The following C8orf34 variants were observed in gnomAD, a reference collection of about 807,000 sequenced individuals.
C8orf34 encodes chromosome 8 open reading frame 34.
In C8orf34, 65 loss-of-function variants were observed where a neutral mutation model predicts 68.3. That is an observed-to-expected ratio of 0.95 (90% CI 0.78 to 1.17). The LOEUF (loss-of-function observed/expected upper bound fraction) is 1.17. C8orf34 is among the 50% of genes most tolerant of loss of function. C8orf34 has a pLI of 0.00. For synonymous variants in C8orf34, 244 were observed against 241.2 expected (o/e 1.01, Z -0.11); for missense variants, 664 against 655.4 (o/e 1.01, Z -0.14).
intron 5 of C8orf34, among the ~76,000 whole-genome samples, chr8:68,519,898 A>G (rs1301912807): frequency 6.6e-6 from 1 of 152,206 alleles, no homozygotes; most frequent in African/African-American, 2.4e-5. Context: ...GAAGTTGTAA[A>G]TGTTTATAGA....
chr8:68,432,661 A>G (rs1341338785), intron 1 of C8orf34, among the ~76,000 whole-genome samples: 1 of 152,106 alleles, frequency 6.6e-6, no homozygotes, highest in South Asian at 2.1e-4. Flanking sequence ...TGGGAATAAG[A>G]TAAGTAGATT....
intron 5 of C8orf34, among the ~76,000 whole-genome samples, chr8:68,518,938 G>A (rs187595336): frequency 4.0e-5 from 6 of 151,328 alleles, no homozygotes; most frequent in Non-Finnish European, 5.9e-5. Flanking sequence ...AGATACAGGG[G>A]AATATGTTAC....
At chr8:68,674,243 A>G (rs916890414) in intron 8 of C8orf34, among the ~76,000 whole-genome samples, 5 of 152,176 alleles carry the variant, frequency 3.3e-5, no homozygotes, top group African/African-American at 1.2e-4. Context: ...CCAGACACTG[A>G]TGAATGTCCA....
At chr8:68,559,326 T>G (rs552457819) in intron 7 of C8orf34, among the ~76,000 whole-genome samples, 1 of 152,252 alleles carries the variant, frequency 6.6e-6, no homozygotes, top group East Asian at 1.9e-4. Flanking sequence ...GAAAAATAAT[T>G]TTCAGCTTTG....
intron 7 of C8orf34, among the ~76,000 whole-genome samples, chr8:68,573,999 G>A (rs1481647439): frequency 1.3e-5 from 2 of 152,070 alleles, no homozygotes; most frequent in African/African-American, 2.4e-5. Context: ...GTTTTGCGAA[G>A]TTCTACAGTT....
Position 68,810,489 on chromosome 8 carries a change from G to GCTCTTCTCTCCTTCT in C8orf34, c.1550-5387_1550-5373dup, listed in dbSNP as rs913878538. Among the ~76,000 whole-genome samples, 68 of 152,284 alleles carry GCTCTTCTCTCCTTCT rather than the reference G, an allele frequency of 4.5e-4. 1 individual carries two copies. The South Asian group carries it at 0.011, about 24-fold the overall frequency. On this transcript the variant is annotated intron_variant, in intron 12 of 13. Coordinates refer to ENST00000518698, the MANE Select transcript of C8orf34 (RefSeq NM_052958.4). The stretch of plus-strand genomic sequence containing the variant: ...CTTCTGGGGTCCCTGAAGGGCCACA[G>GCTCTTCTCTCCTTCT]CTCTTCTCTCCTTCTCTCTTCTCTA...
chr8:68,361,413 G>A (rs547217064), intron 1 of C8orf34, among the ~76,000 whole-genome samples: 1 of 152,258 alleles, frequency 6.6e-6, no homozygotes, highest in South Asian at 2.1e-4. Context: ...GAGGATTCTA[G>A]AGGAGGCCTC....
chr8:68,444,034 T>C (rs1487946593), intron 2 of C8orf34, among the ~76,000 whole-genome samples: 3 of 152,180 alleles, frequency 2.0e-5, no homozygotes, highest in Non-Finnish European at 4.4e-5. Context: ...TTGAGTCTTA[T>C]TTACTGTTCT....
chr8:68,692,176 G>A lies in C8orf34; in HGVS notation c.1242-16818G>A, dbSNP rs142127538. ...GACTGTCCATCTGGAATGGCTGAAT[G>A]GACAAAGAACAGAAGAGAAGGAACT... On this transcript the variant is annotated intron_variant, in intron 8 of 13. Coordinates refer to ENST00000518698, the MANE Select transcript of C8orf34 (RefSeq NM_052958.4). 9.2e-5 allele frequency among the ~76,000 whole-genome samples: 14 copies of A among 152,090 alleles called. No homozygotes were observed. The East Asian group carries it at 2.7e-3, about 30-fold the overall frequency.
rs1815443310 is a variant in C8orf34, at chr8:68,535,839, AT to A, written c.1105+2691del. The stretch of plus-strand genomic sequence containing the variant: ...ACAGCCAAACTTGTGAATTTTTAAG[AT>A]ATAATCATTTTAAGCACCTCTGAAA... On this transcript the variant is annotated intron_variant, in intron 7 of 13. Transcript: ENST00000518698. The A allele has an allele frequency of 6.1e-6, 6 of 978,454 alleles. No homozygotes were observed. The South Asian group carries it at 1.9e-4, about 31-fold the overall frequency. 60.6% of individuals were successfully genotyped at this position (978,454 alleles called of 1,614,324 possible). A position where few individuals can be genotyped will look rare whatever the true frequency, so the allele number is the denominator to read the frequency against.
rs781184853 is a variant in C8orf34, at chr8:68,511,275, C to A, written c.766-10524C>A. 2.6e-5 allele frequency among the ~76,000 whole-genome samples: 4 copies of A among 152,238 alleles called. No individual in the cohort carries two copies. In the East Asian group the frequency reaches 7.7e-4, roughly 29 times the overall value. The stretch of plus-strand genomic sequence containing the variant: ...GGATGGAGCAATGGTGAGAGCACAC[C>A]TGAACAAGGGAGGGGAAGGGGTTTT... On this transcript the variant is annotated intron_variant, in intron 5 of 13. Coordinates refer to ENST00000518698, the MANE Select transcript of C8orf34 (RefSeq NM_052958.4).
At chr8:68,368,002 T>G (rs1033842165) in intron 1 of C8orf34, among the ~76,000 whole-genome samples, 1 of 148,660 alleles carries the variant, frequency 6.7e-6, no homozygotes, top group Non-Finnish European at 1.5e-5. Flanking sequence ...TCTGCACTAG[T>G]GAAGGTGCTA....
At chr8:68,798,585 A>G (rs1824245107) in intron 12 of C8orf34, among the ~76,000 whole-genome samples, 1 of 152,142 alleles carries the variant, frequency 6.6e-6, no homozygotes, top group Non-Finnish European at 1.5e-5. Flanking sequence ...TAACCCATAA[A>G]TATAAAAATA....
chr8:68,654,839 T>C (rs949997524), intron 8 of C8orf34, among the ~76,000 whole-genome samples: 21 of 152,134 alleles, frequency 1.4e-4, no homozygotes, highest in African/African-American at 4.3e-4. Flanking sequence ...AAGCCATTCT[T>C]TATTTTGTAA....
chr8:68,560,952 T>G (rs1381304732), intron 7 of C8orf34, among the ~76,000 whole-genome samples: 1 of 152,072 alleles, frequency 6.6e-6, no homozygotes, highest in Non-Finnish European at 1.5e-5. Context: ...AACTTTTTTT[T>G]TTAACTTCAT....
chr8:68,595,127 A>AC (rs1817506268), intron 7 of C8orf34, among the ~76,000 whole-genome samples: 2 of 151,274 alleles, frequency 1.3e-5, no homozygotes, highest in South Asian at 4.2e-4. Context: ...TGGTAAAAAA[A>AC]AAAAAAAAAA....
At chr8:68,491,926 A>G (rs1350958029) in intron 5 of C8orf34, among the ~76,000 whole-genome samples, 1 of 152,130 alleles carries the variant, frequency 6.6e-6, no homozygotes, top group East Asian at 1.9e-4. Context: ...CATAGTAGAC[A>G]TGATTGGTGC....
intron 12 of C8orf34, among the ~76,000 whole-genome samples, chr8:68,803,441 C>G (rs1357692322): frequency 6.6e-6 from 1 of 151,896 alleles, no homozygotes; most frequent in Admixed American, 6.6e-5. Context: ...TAAATATTGA[C>G]ATCTAATCAT....
chr8:68,664,947 T>A (rs1819793255), intron 8 of C8orf34, among the ~76,000 whole-genome samples: 1 of 152,240 alleles, frequency 6.6e-6, no homozygotes, highest in Non-Finnish European at 1.5e-5. Context: ...TTTTAGATTA[T>A]CCCATGTTTT....
Sources: allele counts gnomAD v4.1 joint callset (sites outside exome capture counted in the v4.1 genomes callset), GRCh38; gene constraint gnomAD v4.1.1; transcripts MANE v1.5; gene names NCBI Gene and HGNC (gene_info 2026-07-23, HGNC 2026-07-21).